The following NAT1 variants were observed in gnomAD, a reference collection of about 807,000 sequenced individuals.
NAT1 encodes the protein arylamine N-acetyltransferase 1.
For synonymous variants in NAT1, 144 were observed against 122.6 expected (o/e 1.17, Z -1.16); for missense variants, 400 against 339.2 (o/e 1.18, Z -1.41).
chr8:18,204,859 T>C (rs1803641427), intron 2 of NAT1, among the ~76,000 whole-genome samples: 1 of 152,222 alleles, frequency 6.6e-6, no homozygotes, highest in African/African-American at 2.4e-5. Context: ...TAGAAATCCT[T>C]TTATCCTATT....
intron 2 of NAT1, among the ~76,000 whole-genome samples, chr8:18,193,051 G>A (rs1055150973): frequency 3.5e-5 from 5 of 144,676 alleles, no homozygotes; most frequent in African/African-American, 1.3e-4. Context: ...CAGATGTTAA[G>A]ATCTAATGAA....
chr8:18,198,614 T>G (rs1294270958), intron 2 of NAT1, among the ~76,000 whole-genome samples: 1 of 152,216 alleles, frequency 6.6e-6, no homozygotes, highest in African/African-American at 2.4e-5. Context: ...AAGGTTTTAT[T>G]TTTCCCCAGT....
intron 2 of NAT1, among the ~76,000 whole-genome samples, chr8:18,193,980 C>T (rs1803128107): frequency 6.6e-6 from 1 of 152,106 alleles, no homozygotes; most frequent in Non-Finnish European, 1.5e-5. Flanking sequence ...TACACGGTTG[C>T]ATGCATCTCC....
chr8:18,207,014 T>A (rs1335633995), upstream of NAT1, among the ~76,000 whole-genome samples: 1 of 152,234 alleles, frequency 6.6e-6, no homozygotes, highest in Non-Finnish European at 1.5e-5. Flanking sequence ...GGTTTTATAT[T>A]TAAGTCTTTA....
chr8:18,195,239 C>T (rs374873089), intron 2 of NAT1, among the ~76,000 whole-genome samples: 5 of 152,294 alleles, frequency 3.3e-5, no homozygotes, highest in African/African-American at 9.6e-5. Flanking sequence ...CAGATCACCA[C>T]GCTAGTCCCT....
chr8:18,202,444 G>A (rs954327931), intron 2 of NAT1, among the ~76,000 whole-genome samples: 3 of 152,194 alleles, frequency 2.0e-5, no homozygotes, highest in African/African-American at 7.2e-5. Context: ...CTTCTGGTAG[G>A]TTCTTGGTCT....
chr8:18,175,547 CT>C (rs1233557891), intron 2 of NAT1, among the ~76,000 whole-genome samples: 2 of 152,030 alleles, frequency 1.3e-5, no homozygotes, highest in Non-Finnish European at 2.9e-5. Context: ...ACAAAAGTTC[CT>C]TCTTTTTCAA....
At chr8:18,190,645 T>C (rs1405567408) in intron 2 of NAT1, among the ~76,000 whole-genome samples, 3 of 152,188 alleles carry the variant, frequency 2.0e-5, no homozygotes, top group Non-Finnish European at 2.9e-5. Flanking sequence ...ACTGCTGAAA[T>C]AGCATGTGGA....
At chr8:18,180,834 T>G (rs1024647743) in intron 2 of NAT1, among the ~76,000 whole-genome samples, 6 of 152,294 alleles carry the variant, frequency 3.9e-5, no homozygotes, top group Middle Eastern at 3.4e-3. Context: ...GATTTATTTC[T>G]GGATTCTTTG....
chr8:18,220,363 A>G (rs1401560786), intron 2 of NAT1, among the ~76,000 whole-genome samples: 1 of 152,110 alleles, frequency 6.6e-6, no homozygotes, highest in Admixed American at 6.6e-5. Flanking sequence ...AGGGAAAATA[A>G]GAGATGCTCC....
chr8:18,205,815 G>A (rs1437174025), upstream of NAT1, among the ~76,000 whole-genome samples: 1 of 152,180 alleles, frequency 6.6e-6, no homozygotes, highest in African/African-American at 2.4e-5. Context: ...CAGAAGCTAT[G>A]ATGTAGCTCC....
chr8:18,197,715 G>C (rs1473947089), intron 2 of NAT1, among the ~76,000 whole-genome samples: 1 of 152,122 alleles, frequency 6.6e-6, no homozygotes, highest in Non-Finnish European at 1.5e-5. Context: ...TTTATTCAGG[G>C]AAGGGCACCC....
intron 2 of NAT1, 112 bp from the exon 3 acceptor site, chr8:18,221,930 T>C: frequency 8.7e-7 from 1 of 1,146,632 alleles, no homozygotes; most frequent in Non-Finnish European, 1.2e-6. Flanking sequence ...AAATAATTAT[T>C]ATACTTATAA....
chr8:18,213,754 G>A (rs1001229454), intron 1 of NAT1, among the ~76,000 whole-genome samples: 3 of 151,728 alleles, frequency 2.0e-5, no homozygotes, highest in African/African-American at 2.4e-5. Context: ...TGACAGTACT[G>A]GATTGGACTC....
chr8:18,222,345 A>G lies in NAT1; in HGVS notation c.298A>G (p.Lys100Glu). Residue 100 changes from lysine (K) to glutamate (E), a missense_variant, in exon 3 of 3, where the codon AAA becomes GAA. Physicochemically the swap from Lys to Glu is moderately conservative, Grantham distance 56 (BLOSUM62 1). Coordinates refer to ENST00000307719, the MANE Select transcript of NAT1 (RefSeq NM_000662.8). ...GTATGTTTACAGCACTCCAGCCAAA[A>G]AATACAGCACTGGCATGATTCACCT... ...GGYVYSTPAK[K>E]YSTGMIHLLL... is the part of the protein sequence containing the mutation. The G allele has an allele frequency of 6.2e-7, 1 of 1,614,104 alleles. No homozygotes were observed. The highest frequency in any genetic ancestry group is 8.5e-7 in the Non-Finnish European group (1 of 1,180,008).
At chr8:18,186,557 T>G (rs923115800) in intron 2 of NAT1, among the ~76,000 whole-genome samples, 2 of 152,158 alleles carry the variant, frequency 1.3e-5, no homozygotes, top group African/African-American at 4.8e-5. Context: ...TGTAAATGCT[T>G]TAACACAATT....
At chr8:18,217,205 A>G (rs1218797308) in intron 1 of NAT1, among the ~76,000 whole-genome samples, 1 of 152,242 alleles carries the variant, frequency 6.6e-6, no homozygotes, top group African/African-American at 2.4e-5. Context: ...GAAATTTGGT[A>G]TCCAGTTTCT....
At chr8:18,214,323 T>C (rs975420393) in intron 1 of NAT1, among the ~76,000 whole-genome samples, 1 of 152,230 alleles carries the variant, frequency 6.6e-6, no homozygotes, top group African/African-American at 2.4e-5. Flanking sequence ...AGTTATTGCA[T>C]TTCTCAAGCT....
chr8:18,221,892 A>G, intron 2 of NAT1, 150 bp from the exon 3 acceptor site: 1 of 816,130 alleles, frequency 1.2e-6, no homozygotes, highest in Non-Finnish European at 1.9e-6. Flanking sequence ...TATGTGTGTA[A>G]AAGGAATTCA....
Sources: gnomAD v4.1 joint callset for allele counts (sites outside exome capture counted in the v4.1 genomes callset) on GRCh38, gnomAD v4.1.1 for gene constraint, MANE v1.5 for transcripts, NCBI Gene and HGNC (gene_info 2026-07-23, HGNC 2026-07-21) for gene names.